Variants in ANKRD11 observed in about 807,000 individuals in gnomAD.
The protein encoded by ANKRD11 is ankyrin repeat domain 11.
A neutral mutation model predicts 195.7 loss-of-function variants in ANKRD11; 17 were observed. That is an observed-to-expected ratio of 0.09 (90% confidence interval 0.06 to 0.13). The LOEUF (loss-of-function observed/expected upper bound fraction) is 0.13. Among genes scored for constraint, ANKRD11 ranks in the 10% least tolerant of loss-of-function variants. ANKRD11 has a pLI of 1.00. For synonymous variants in ANKRD11, 1,953 were observed against 1,528.1 expected, an observed-to-expected ratio of 1.28 and a Z score of -6.49; for missense variants, 3,735 against 3,566.1, an observed-to-expected ratio of 1.05 and a Z score of -1.21.
At chr16:89,347,175 A>G (rs1485747592) in intron 2 of ANKRD11, among the ~76,000 whole-genome samples, 1 of 152,134 alleles carries the variant, frequency 6.6e-6, no homozygotes, top group Non-Finnish European at 1.5e-5. Flanking sequence ...TGGAAATGTG[A>G]ATGAAAACAC....
chr16:89,281,028 A>C lies in ANKRD11; in HGVS notation c.5514T>G (p.Val1838=). 1 of 1,596,464 alleles carries C rather than the reference A, an allele frequency of 6.3e-7. No individual in the cohort carries two copies. The highest frequency in any genetic ancestry group is 1.3e-5 in the African/African-American group (1 of 74,412). Residue 1838 remains valine (V), a synonymous_variant, in exon 9 of 13, where the codon GTT becomes GTG. Coordinates refer to ENST00000301030, the MANE Select transcript of ANKRD11 (RefSeq NM_013275.6). The surrounding 1 kb of genome is among the most constrained non-coding windows in gnomAD (Gnocchi z 5.5). ...SMEDRAPLPP[V]PAEKFACLSP... is the part of the protein sequence containing the mutation. ...ACAAGCAGGCAAACTTCTCCGCGGG[A>C]ACCGGGGGCAGGGGCGCCCTGTCTT... is the stretch of plus-strand genomic sequence containing the variant.
In ANKRD11 at chr16:89,355,224, C is replaced by G. The variant is rs1035088556; in HGVS notation, c.-59-38146G>C. Among the ~76,000 whole-genome samples the G allele has an allele frequency of 3.3e-5, 5 of 151,884 alleles. No individual in the cohort carries two copies. In the South Asian group the frequency reaches 6.2e-4, roughly 19 times the overall value. ...GCTCGGGAGGCGGGCAGAGGGCTCACGGAGGGAGGGCGGAGGGCTCACACC... is the reference window on the plus strand; with the variant it reads ...GCTCGGGAGGCGGGCAGAGGGCTCAGGGAGGGAGGGCGGAGGGCTCACACC... On this transcript the variant is annotated intron_variant, in intron 2 of 12. Coordinates refer to ENST00000301030, the MANE Select transcript of ANKRD11 (RefSeq NM_013275.6).
intron 1 of ANKRD11, chr16:89,489,327 G>C (rs1056676621): frequency 6.6e-6 from 1 of 152,170 alleles, no homozygotes. Context: ...TTCAGGCAAC[G>C]TCTCACATTG....
At chr16:89,371,923 C>T (rs1325829586) in intron 2 of ANKRD11, among the ~76,000 whole-genome samples, 3 of 152,186 alleles carry the variant, frequency 2.0e-5, no homozygotes, top group Non-Finnish European at 2.9e-5. Context: ...ACTGACTGGC[C>T]TGTTACAGAA....
chr16:89,288,541 T>C lies in ANKRD11; in HGVS notation c.731A>G (p.Asn244Ser), dbSNP rs373075725. 1.8e-5 allele frequency: 29 copies of C among 1,614,074 alleles called. No individual in the cohort carries two copies. Among genetic ancestry groups the C allele is most frequent in the East Asian group, 2.2e-5 (1 of 44,884 alleles). The change falls in exon 7 of 13, where the codon AAC becomes AGC. Residue 244 changes from asparagine (N) to serine (S), a missense_variant. Physicochemically the swap from Asn to Ser is conservative, Grantham distance 46. Transcript: ENST00000301030. ...GGGGATGCCAACCTTGTAGTGCCCG[T>C]TGTTGGCAGCGTCGTGCAAAGGCGT... Reference protein sequence around the residue: ...DDTPLHDAANNGHYKVVKLLL... With the variant: ...DDTPLHDAANSGHYKVVKLLL...
chr16:89,283,848 T>C lies in ANKRD11; in HGVS notation c.2694A>G (p.Arg898=). The change falls in exon 9 of 13, where the codon CGA becomes CGG. Residue 898 remains arginine (R), a synonymous_variant. Coordinates refer to ENST00000301030, the MANE Select transcript of ANKRD11 (RefSeq NM_013275.6). This position sits in a 1 kb window ranked among gnomAD's most constrained non-coding sequence, Gnocchi z 4.3. The stretch of plus-strand genomic sequence containing the variant: ...TTCGGAAGAAGGGCTCTCTGTAGTC[T>C]CGCTTCTCCCGGGCCCGGCTGTCCC... The part of the protein sequence containing the change: ...RRRDSRAREK[R]DYREPFFRKK... 6.2e-7 allele frequency: 1 copy of C among 1,614,138 alleles called. No homozygotes were observed. The highest frequency in any genetic ancestry group is 8.5e-7 in the Non-Finnish European group (1 of 1,180,038).
intron 1 of ANKRD11, among the ~76,000 whole-genome samples, chr16:89,421,841 C>A (rs1289818931): frequency 2.0e-5 from 3 of 152,146 alleles, no homozygotes; most frequent in Non-Finnish European, 4.4e-5. Context: ...ACTGCCCATC[C>A]ATGTCTTGGG....
chr16:89,340,335 T>C (rs1473903557), intron 2 of ANKRD11, among the ~76,000 whole-genome samples: 1 of 152,276 alleles, frequency 6.6e-6, no homozygotes. Context: ...TGAAGTGCAG[T>C]GGCACCATCT....
At chr16:89,410,366 AACAAAGGCTG>A (rs1277574820) in intron 2 of ANKRD11, among the ~76,000 whole-genome samples, 1 of 152,250 alleles carries the variant, frequency 6.6e-6, no homozygotes, top group Non-Finnish European at 1.5e-5. Context: ...ATAAATTTTA[AACAAAGGCTG>A]ACTGTACCAA....
chr16:89,284,750 G>A lies in ANKRD11; in HGVS notation c.1792C>T (p.His598Tyr). The change falls in exon 9 of 13, where the codon CAC becomes TAC. Residue 598 changes from histidine (H) to tyrosine (Y), a missense_variant. Physicochemically the swap from His to Tyr is moderately conservative, Grantham distance 83. Transcript: ENST00000301030. ...SLKPVRKRQEHRKRASLSEKK... is the reference protein window; with the variant it reads ...SLKPVRKRQEYRKRASLSEKK... ...TCCGACAGGGAGGCTCGCTTCCTGT[G>A]CTCCTGCCTCTTCCTCACTGGCTTC... is the stretch of plus-strand genomic sequence containing the variant. 1 of 1,613,496 alleles carries A rather than the reference G, an allele frequency of 6.2e-7. No individual in the cohort carries two copies. The highest frequency in any genetic ancestry group is 8.5e-7 in the Non-Finnish European group (1 of 1,179,952).
intron 3 of ANKRD11, among the ~76,000 whole-genome samples, chr16:89,306,292 G>A (rs1366069488): frequency 2.4e-5 from 2 of 84,032 alleles, no homozygotes; most frequent in Non-Finnish European, 4.3e-5. Context: ...GCAGACACAC[G>A]CCACCTACCT....
At chr16:89,464,787 C>G (rs1025054398) in intron 1 of ANKRD11, among the ~76,000 whole-genome samples, 1 of 152,040 alleles carries the variant, frequency 6.6e-6, no homozygotes, top group Non-Finnish European at 1.5e-5. Context: ...AGACCAAACT[C>G]TACAGAAGGA....
At chr16:89,418,132 T>TA (rs1348538108) in intron 2 of ANKRD11, among the ~76,000 whole-genome samples, 152 bp downstream of exon 2, 4 of 152,264 alleles carry the variant, frequency 2.6e-5, no homozygotes, top group African/African-American at 9.6e-5. Flanking sequence ...GAATACACTC[T>TA]AAGTGAAATC....
intron 9 of ANKRD11, among the ~76,000 whole-genome samples, chr16:89,275,476 A>C (rs2033574320): frequency 6.6e-6 from 1 of 152,198 alleles, no homozygotes; most frequent in East Asian, 1.9e-4. Context: ...TCGTGTGCCA[A>C]GGAGGGCCTG....
intron 1 of ANKRD11, among the ~76,000 whole-genome samples, chr16:89,455,249 T>TCC (rs2056380449): frequency 6.8e-6 from 1 of 146,716 alleles, no homozygotes; most frequent in South Asian, 2.2e-4. Flanking sequence ...TGGGTGCTGT[T>TCC]AGGCTTCCTC....
intron 2 of ANKRD11, among the ~76,000 whole-genome samples, chr16:89,374,033 A>G (rs2040310879): frequency 6.6e-6 from 1 of 152,236 alleles, no homozygotes; most frequent in Non-Finnish European, 1.5e-5. Flanking sequence ...ACTTCTGCAA[A>G]GCCAGAGTGG....
chr16:89,326,253 AAC>A (rs1235520200), intron 2 of ANKRD11, among the ~76,000 whole-genome samples: 1 of 152,212 alleles, frequency 6.6e-6, no homozygotes, highest in Non-Finnish European at 1.5e-5. Flanking sequence ...GGTGGAAATA[AAC>A]ACACGGAAGT....
At chr16:89,379,722 T>A (rs2040565638) in intron 2 of ANKRD11, among the ~76,000 whole-genome samples, 1 of 152,262 alleles carries the variant, frequency 6.6e-6, no homozygotes, top group South Asian at 2.1e-4. Context: ...TGCACGGATT[T>A]GCGAAGAACG....
intron 1 of ANKRD11, among the ~76,000 whole-genome samples, chr16:89,473,537 C>T (rs1318728152): frequency 6.6e-6 from 1 of 152,218 alleles, no homozygotes; most frequent in Admixed American, 6.5e-5. Flanking sequence ...CCCATCCACC[C>T]AAACTGTGGC....
Sources: gnomAD v4.1 joint callset for allele counts (sites outside exome capture counted in the v4.1 genomes callset) on GRCh38, gnomAD v4.1.1 for gene constraint, Gnocchi (gnomAD v3.1) non-coding constraint, MANE v1.5 for transcripts, NCBI Gene and HGNC (gene_info 2026-07-23, HGNC 2026-07-21) for gene names.